The following SGCZ variants were observed in gnomAD, a reference collection of about 807,000 sequenced individuals.
SGCZ encodes zeta-sarcoglycan.
SGCZ carries 40 observed loss-of-function variants against 41.3 expected under a neutral mutation model. That is an observed-to-expected ratio of 0.97 (90% CI 0.75 to 1.26). The LOEUF (loss-of-function observed/expected upper bound fraction) is 1.26, where lower values mean the gene tolerates loss of function less well. Among genes scored for constraint, SGCZ ranks in the 50% most tolerant of loss-of-function variants. The pLI is 0.00. For synonymous variants in SGCZ, 206 were observed against 137.5 expected, an observed-to-expected ratio of 1.50 and a Z score of -3.49; for missense variants, 552 against 369.8, an observed-to-expected ratio of 1.49 and a Z score of -4.04.
At chr8:14,559,178 G>C (rs1804131018) in intron 1 of SGCZ, among the ~76,000 whole-genome samples, 2 of 152,016 alleles carry the variant, frequency 1.3e-5, no homozygotes, top group Non-Finnish European at 2.9e-5. Flanking sequence ...TTGGTAAAGA[G>C]AAAGTCAAAC....
At chr8:14,142,146 A>C (rs1285377847) in intron 5 of SGCZ, among the ~76,000 whole-genome samples, 1 of 152,140 alleles carries the variant, frequency 6.6e-6, no homozygotes, top group East Asian at 1.9e-4. Flanking sequence ...GGTGGGGAAC[A>C]TCACACACCA....
intron 3 of SGCZ, among the ~76,000 whole-genome samples, chr8:14,285,390 C>G (rs1800587307): frequency 6.6e-6 from 1 of 152,018 alleles, no homozygotes; most frequent in African/African-American, 2.4e-5. Context: ...GAGAGTTACT[C>G]TGTCTTTTTG....
chr8:14,647,187 T>G (rs1309896035), intron 1 of SGCZ, among the ~76,000 whole-genome samples: 1 of 152,022 alleles, frequency 6.6e-6, no homozygotes, highest in African/African-American at 2.4e-5. Flanking sequence ...ATACAACTAA[T>G]GATAAACTAT....
At chr8:14,304,823 G>C (rs1025589422) in intron 3 of SGCZ, among the ~76,000 whole-genome samples, 1 of 152,118 alleles carries the variant, frequency 6.6e-6, no homozygotes, top group Non-Finnish European at 1.5e-5. Context: ...GGTAATTCCA[G>C]AAATAGCACA....
At position 14,527,800 on chromosome 8, in the gene SGCZ, G is replaced by C. The variant is rs547267546; in HGVS notation, c.234+26932C>G. ...TTTCTTCATCTCAGCCAGTCCTATTGAGTAACCCATGTCCATAACAATTCT... is the reference window on the plus strand; with the variant it reads ...TTTCTTCATCTCAGCCAGTCCTATTCAGTAACCCATGTCCATAACAATTCT... On this transcript the variant is annotated intron_variant, in intron 2 of 7. Transcript: ENST00000382080. 2.0e-5 allele frequency among the ~76,000 whole-genome samples: 3 copies of C among 152,126 alleles called. No homozygotes were observed. The South Asian group carries it at 6.2e-4, about 32-fold the overall frequency.
chr8:15,117,469 T>C (rs1353380554), intron 1 of SGCZ, among the ~76,000 whole-genome samples: 2 of 152,212 alleles, frequency 1.3e-5, no homozygotes, highest in African/African-American at 2.4e-5. Flanking sequence ...AAATCCATTG[T>C]GGCATGATGG....
chr8:14,850,493 T>A (rs1456903663), intron 1 of SGCZ, among the ~76,000 whole-genome samples: 1 of 152,154 alleles, frequency 6.6e-6, no homozygotes, highest in Non-Finnish European at 1.5e-5. Flanking sequence ...GAAGGCTTCA[T>A]GGAATAAGAA....
chr8:15,063,992 G>C (rs1045489760), intron 1 of SGCZ, among the ~76,000 whole-genome samples: 2 of 152,024 alleles, frequency 1.3e-5, no homozygotes, highest in African/African-American at 4.8e-5. Context: ...TTTTATTCTG[G>C]TATTGTATAA....
intron 2 of SGCZ, among the ~76,000 whole-genome samples, chr8:14,528,491 A>G (rs1803020881): frequency 6.6e-6 from 1 of 152,126 alleles, no homozygotes; most frequent in Non-Finnish European, 1.5e-5. Flanking sequence ...TAAATGCCAT[A>G]AAAAGTCCAA....
intron 1 of SGCZ, among the ~76,000 whole-genome samples, chr8:15,108,533 T>G (rs955721417): frequency 6.6e-6 from 1 of 152,166 alleles, no homozygotes; most frequent in African/African-American, 2.4e-5. Context: ...TGCTAAGAGC[T>G]CAGAACACAA....
At chr8:14,309,405 T>A in intron 3 of SGCZ, 1 of 1,606,554 alleles carries the variant, frequency 6.2e-7, no homozygotes, top group Non-Finnish European at 8.5e-7. Context: ...CTCGATCGCT[T>A]TTGGCTAGAG....
chr8:15,134,363 T>G (rs1808033775), intron 1 of SGCZ, among the ~76,000 whole-genome samples: 1 of 151,518 alleles, frequency 6.6e-6, no homozygotes, highest in South Asian at 2.1e-4. Context: ...AAGCCTAAAC[T>G]AAATTACATG....
At chr8:15,218,462 C>A (rs1287660257) in intron 1 of SGCZ, among the ~76,000 whole-genome samples, 1 of 152,152 alleles carries the variant, frequency 6.6e-6, no homozygotes, top group Non-Finnish European at 1.5e-5. Flanking sequence ...TTAAAAGCTG[C>A]CTTTAGGCAG....
At chr8:14,800,725 C>A (rs1417384276) in intron 1 of SGCZ, among the ~76,000 whole-genome samples, 1 of 152,114 alleles carries the variant, frequency 6.6e-6, no homozygotes, top group Admixed American at 6.6e-5. Context: ...GAGGCCTCCC[C>A]AGCCATATGG....
intron 1 of SGCZ, among the ~76,000 whole-genome samples, chr8:15,072,136 G>A (rs978893826): frequency 2.0e-5 from 3 of 151,940 alleles, no homozygotes; most frequent in African/African-American, 7.3e-5. Flanking sequence ...CCATCTTCCT[G>A]GTCTTTATTT....
In SGCZ at chr8:14,682,675, C is replaced by T. The variant is rs186470586; in HGVS notation, c.40-127749G>A. On this transcript the variant is annotated intron_variant, in intron 1 of 7. Transcript: ENST00000382080. ...GGTCTCGATCTCCTGACCTTGTGAT[C>T]GGCCCGCCTCGGCCTCCCAAAGTGC... Among the ~76,000 whole-genome samples, 1,003 of 152,248 alleles carry T rather than the reference C, an allele frequency of 6.6e-3. 14 individuals are homozygous for T. The highest frequency in any genetic ancestry group is 0.042 in the East Asian group (218 of 5,170).
chr8:14,894,991 A>G (rs576207590), intron 1 of SGCZ, among the ~76,000 whole-genome samples: 82 of 152,290 alleles, frequency 5.4e-4, no homozygotes, highest in African/African-American at 1.9e-3. Context: ...TCTTCCATAC[A>G]TAATGCTAAA....
At chr8:14,432,824 G>A (rs1452169426) in intron 2 of SGCZ, among the ~76,000 whole-genome samples, 2 of 145,860 alleles carry the variant, frequency 1.4e-5, no homozygotes, top group African/African-American at 2.6e-5. Context: ...TGAGGCAGGA[G>A]AATCACTTGA....
chr8:14,658,177 A>G (rs1323550954), intron 1 of SGCZ, among the ~76,000 whole-genome samples: 1 of 152,142 alleles, frequency 6.6e-6, no homozygotes, highest in Non-Finnish European at 1.5e-5. Flanking sequence ...CAATTCCTCA[A>G]GCCCAAACCC....
Sources: allele counts gnomAD v4.1 joint callset (sites outside exome capture counted in the v4.1 genomes callset), GRCh38; gene constraint gnomAD v4.1.1; transcripts MANE v1.5; gene names NCBI Gene and HGNC (gene_info 2026-07-23, HGNC 2026-07-21).